The following ANKFN1 variants were observed in gnomAD, a reference collection of about 807,000 sequenced individuals.
The protein encoded by ANKFN1 is ankyrin repeat and fibronectin type-III domain-containing protein 1.
ANKFN1 carries 74 observed loss-of-function variants against 108.7 expected under a neutral mutation model. The observed-to-expected ratio is 0.68, with a 90% CI of 0.56 to 0.83. The LOEUF is 0.83. Among genes scored for constraint, ANKFN1 ranks in the 40% least tolerant of loss-of-function variants. The pLI is 0.00. For missense variants in ANKFN1, 1,505 were observed against 1,382.3 expected, an observed-to-expected ratio of 1.09 and a Z score of -1.41; for synonymous variants, 547 against 516.2, an observed-to-expected ratio of 1.06 and a Z score of -0.81.
intron 15 of ANKFN1, among the ~76,000 whole-genome samples, chr17:56,477,185 C>G (rs1211490000): frequency 6.6e-6 from 1 of 152,170 alleles, no homozygotes; most frequent in East Asian, 1.9e-4. Context: ...TCTTTATTAG[C>G]TGCTTCCACC....
intron 4 of ANKFN1, among the ~76,000 whole-genome samples, chr17:56,071,954 C>T (rs745864500): frequency 1.8e-4 from 28 of 152,210 alleles, no homozygotes; most frequent in Admixed American, 1.2e-3. Flanking sequence ...CTGGGCCCTC[C>T]GGGCACAGCA....
At position 56,158,185 on chromosome 17, in the gene ANKFN1, A is replaced by G. The variant is rs1440764489; in HGVS notation, c.-71+4655A>G. Among the ~76,000 whole-genome samples, 4 of 152,068 alleles carry G rather than the reference A, an allele frequency of 2.6e-5. No individual in the cohort carries two copies. The East Asian group carries it at 7.7e-4, about 29-fold the overall frequency. On this transcript the variant is annotated intron_variant, in intron 1 of 20. Transcript: ENST00000682825. Reference sequence around the variant, plus strand: ...TGGATCAGTCACCCAGTGCCCTAACACTCAAGCTAATTCACAGGCTGAGCA... The same window carrying G: ...TGGATCAGTCACCCAGTGCCCTAACGCTCAAGCTAATTCACAGGCTGAGCA...
Position 56,094,283 on chromosome 17 carries a change from A to C in ANKFN1, c.288+47958A>C, listed in dbSNP as rs181730402. 2.7e-4 allele frequency among the ~76,000 whole-genome samples: 41 copies of C among 151,114 alleles called. 2 individuals carry two copies. Among genetic ancestry groups the C allele is most frequent in the Non-Finnish European group, 4.4e-5 (3 of 67,664 alleles). On this transcript the variant is annotated intron_variant, in intron 4 of 12. Transcript: ENST00000635860. ...GATGGCAACCCTAGGAAACTAATGC[A>C]GACACAAGCCAAATTTTCTCATAAG...
intron 3 of ANKFN1, among the ~76,000 whole-genome samples, chr17:56,282,582 A>G (rs1445126158): frequency 1.3e-5 from 2 of 152,234 alleles, no homozygotes; most frequent in African/African-American, 2.4e-5. Flanking sequence ...TGATTGCAAT[A>G]GTGAACTAAT....
intron 4 of ANKFN1, among the ~76,000 whole-genome samples, chr17:56,105,573 C>T (rs1905730598): frequency 6.6e-6 from 1 of 151,524 alleles, no homozygotes; most frequent in African/African-American, 2.4e-5. Context: ...CTCTCTATTT[C>T]TTCCTTCTTT....
intron 4 of ANKFN1, among the ~76,000 whole-genome samples, chr17:56,079,843 G>A (rs1905224425): frequency 6.6e-6 from 1 of 152,118 alleles, no homozygotes; most frequent in South Asian, 2.1e-4. Flanking sequence ...GCACATTTGA[G>A]CACATGGAAA....
At position 56,511,018 on chromosome 17, in the gene ANKFN1, C is replaced by G; in HGVS notation, c.3190C>G (p.Leu1064Val). ...CCCTGCCCTTGATGATCCCAGGGGC[C>G]TAACTCTGGCCCACGCTGCCAGCCT... ...AGPALDDPRGLTLAHAASLPE... is the reference protein window; with the variant it reads ...AGPALDDPRGVTLAHAASLPE... The change falls in exon 21 of 21, where the codon CTA becomes GTA. Residue 1064 changes from leucine (L) to valine (V), a missense_variant. Coordinates refer to ENST00000682825, the MANE Select transcript of ANKFN1 (RefSeq NM_001370326.1). The G allele has an allele frequency of 6.5e-7, 1 of 1,536,014 alleles. No individual in the cohort carries two copies. Among genetic ancestry groups the G allele is most frequent in the Non-Finnish European group, 8.7e-7 (1 of 1,146,884 alleles).
rs141537722 is a variant in ANKFN1, at chr17:56,456,919, C to T, written c.1266C>T (p.His422=). 6.2e-7 allele frequency: 1 copy of T among 1,614,142 alleles called. No homozygotes were observed. Among genetic ancestry groups the T allele is most frequent in the African/African-American group, 1.3e-5 (1 of 75,030 alleles). Reference sequence around the variant, plus strand: ...AGTCAGTCTCAAGAAGCCTGAAACACCTGTTCCATTCCTCGAACAAGTTTG... The same window carrying T: ...AGTCAGTCTCAAGAAGCCTGAAACATCTGTTCCATTCCTCGAACAAGTTTG... ...RKQSVSRSLK[H]LFHSSNKFVK... Residue 422 remains histidine, a synonymous_variant, in exon 12 of 21, where the codon CAC becomes CAT. Coordinates refer to ENST00000682825, the MANE Select transcript of ANKFN1 (RefSeq NM_001370326.1).
At chr17:56,321,604 A>G (rs541992630) in intron 3 of ANKFN1, among the ~76,000 whole-genome samples, 2 of 152,316 alleles carry the variant, frequency 1.3e-5, no homozygotes, top group South Asian at 2.1e-4. Flanking sequence ...GCAGCGATAT[A>G]TGGACATTCT....
At chr17:56,454,997 A>G (rs569786836) in intron 11 of ANKFN1, among the ~76,000 whole-genome samples, 19 of 152,102 alleles carry the variant, frequency 1.2e-4, no homozygotes, top group Non-Finnish European at 2.5e-4. Context: ...AAGTCTAACT[A>G]CTTTTTGAAC....
At chr17:56,251,003 T>C (rs879509731) in intron 3 of ANKFN1, among the ~76,000 whole-genome samples, 17 of 152,224 alleles carry the variant, frequency 1.1e-4, no homozygotes, top group Admixed American at 1.3e-4. Context: ...AAATTGTATT[T>C]AGTCAGTATT....
intron 4 of ANKFN1, among the ~76,000 whole-genome samples, chr17:56,135,198 G>T (rs1907527949): frequency 6.6e-6 from 1 of 152,078 alleles, no homozygotes; most frequent in African/African-American, 2.4e-5. Flanking sequence ...TTTTATAAAG[G>T]CTATAGGTTG....
intron 2 of ANKFN1, among the ~76,000 whole-genome samples, chr17:56,220,386 G>A (rs1029504564): frequency 3.9e-5 from 6 of 152,178 alleles, no homozygotes; most frequent in African/African-American, 1.2e-4. Flanking sequence ...GGATGCGGTG[G>A]CTCACGCCTG....
At chr17:56,082,091 G>A (rs1905252703) in intron 4 of ANKFN1, among the ~76,000 whole-genome samples, 2 of 152,114 alleles carry the variant, frequency 1.3e-5, no homozygotes, top group South Asian at 4.2e-4. Context: ...TGACTTTCCT[G>A]GTGGGGTTTG....
intron 3 of ANKFN1, among the ~76,000 whole-genome samples, chr17:56,285,492 C>G (rs1309646350): frequency 6.6e-6 from 1 of 152,122 alleles, no homozygotes; most frequent in African/African-American, 2.4e-5. Context: ...AGGAGTTTCT[C>G]AAAAGAAAAT....
chr17:56,346,170 G>A (rs1334156109), intron 4 of ANKFN1, among the ~76,000 whole-genome samples: 1 of 152,016 alleles, frequency 6.6e-6, no homozygotes, highest in Non-Finnish European at 1.5e-5. Context: ...GCTTGTTTTT[G>A]TCAGGTTTGT....
At chr17:56,144,156 GAAAAA>G (rs59884444) in intron 4 of ANKFN1, among the ~76,000 whole-genome samples, 8,819 of 39,698 alleles carry the variant, frequency 0.22, 582 homozygotes, top group Admixed American at 0.37. Flanking sequence ...AGGCGCATCT[GAAAAA>G]AAAAAAAAAA....
chr17:56,395,371 G>A (rs907293601), intron 8 of ANKFN1, among the ~76,000 whole-genome samples: 1 of 152,096 alleles, frequency 6.6e-6, no homozygotes, highest in Non-Finnish European at 1.5e-5. Context: ...ACAGCCATAC[G>A]GAGGCACTGG....
chr17:56,428,242 A>G (rs1338096516), intron 8 of ANKFN1, among the ~76,000 whole-genome samples: 1 of 151,916 alleles, frequency 6.6e-6, no homozygotes, highest in Non-Finnish European at 1.5e-5. Flanking sequence ...CTCAAAAAAA[A>G]AAAAGAAAAG....
Sources: allele counts gnomAD v4.1 joint callset (sites outside exome capture counted in the v4.1 genomes callset), GRCh38; gene constraint gnomAD v4.1.1; transcripts MANE v1.5; gene names NCBI Gene and HGNC (gene_info 2026-07-23, HGNC 2026-07-21).